KANSL1: variants seen among roughly 807,000 people sequenced by gnomAD.
KANSL1 encodes the protein KAT8 regulatory NSL complex subunit 1, also known as MLL1/MLL complex subunit KANSL1.
KANSL1 carries 22 observed loss-of-function variants against 103.6 expected under a neutral mutation model. The ratio of observed to expected loss-of-function variants is 0.21; its 90% CI spans 0.15 to 0.30. The LOEUF (loss-of-function observed/expected upper bound fraction) is 0.30, where lower values mean the gene tolerates loss of function less well. Among genes scored for constraint, KANSL1 ranks in the 10% least tolerant of loss-of-function variants. The pLI is 1.00. For missense variants in KANSL1, 1,337 were observed against 1,399.8 expected, an observed-to-expected ratio of 0.96 and a Z score of 0.72; for synonymous variants, 600 against 527.6, an observed-to-expected ratio of 1.14 and a Z score of -1.88.
At chr17:46,077,130 C>T (rs532651550) in intron 4 of KANSL1, among the ~76,000 whole-genome samples, 1 of 152,332 alleles carries the variant, frequency 6.6e-6, no homozygotes, top group South Asian at 2.1e-4. Context: ...CAGCTCAGTG[C>T]AACCTCCACC....
chr17:46,148,899 T>C (rs1230861435), intron 2 of KANSL1, among the ~76,000 whole-genome samples: 2 of 138,890 alleles, frequency 1.4e-5, no homozygotes, highest in Non-Finnish European at 3.1e-5. Flanking sequence ...TGCTTACACT[T>C]AAAAAAAAAA....
At chr17:46,205,792 G>A (rs2047947501) in intron 1 of KANSL1, among the ~76,000 whole-genome samples, 1 of 150,620 alleles carries the variant, frequency 6.6e-6, no homozygotes, top group South Asian at 2.1e-4. Flanking sequence ...TAACTAAATG[G>A]AAAGGCCAGG....
At chr17:46,084,697 T>TAAAAAAAAA (rs67108405) in intron 3 of KANSL1, among the ~76,000 whole-genome samples, 250 of 74,484 alleles carry the variant, frequency 3.4e-3, no homozygotes, top group African/African-American at 7.1e-3. Context: ...TTTTAAAAAT[T>TAAAAAAAAA]AAAAAAAAAA....
intron 2 of KANSL1, among the ~76,000 whole-genome samples, chr17:46,124,159 G>A (rs1392546804): frequency 6.6e-6 from 1 of 152,212 alleles, no homozygotes; most frequent in Admixed American, 6.5e-5. Context: ...AGCACTCTGG[G>A]AGGCCAAGGA....
chr17:46,076,960 C>A (rs1179037230), intron 4 of KANSL1, among the ~76,000 whole-genome samples: 1 of 152,186 alleles, frequency 6.6e-6, no homozygotes, highest in African/African-American at 2.4e-5. Context: ...AGTATCATAT[C>A]TTCAAATACA....
chr17:46,059,802 C>T (rs1212436181), intron 6 of KANSL1, among the ~76,000 whole-genome samples: 5 of 152,028 alleles, frequency 3.3e-5, no homozygotes, highest in African/African-American at 1.2e-4. Context: ...GCAACCTCTG[C>T]CTCCCAGCTT....
intron 4 of KANSL1, among the ~76,000 whole-genome samples, chr17:46,074,214 T>C (rs2078677957): frequency 1.3e-5 from 2 of 152,118 alleles, no homozygotes. Flanking sequence ...CGGTACATGC[T>C]AAAAGGACAC....
At chr17:46,105,931 AC>A (rs1567680644) in intron 2 of KANSL1, among the ~76,000 whole-genome samples, 5,735 of 104,090 alleles carry the variant, frequency 0.055, 206 homozygotes, top group Middle Eastern at 0.12. Flanking sequence ...ACACACACAC[AC>A]ACACACACAC....
chr17:46,088,406 C>G (rs2079246512), intron 3 of KANSL1: 1 of 152,252 alleles, frequency 6.6e-6, no homozygotes, highest in Non-Finnish European at 1.5e-5. Flanking sequence ...CTTTAAAAAA[C>G]CCTATTAAGA....
intron 2 of KANSL1, among the ~76,000 whole-genome samples, chr17:46,122,295 T>A (rs1232072235): frequency 6.6e-6 from 1 of 152,166 alleles, no homozygotes; most frequent in Non-Finnish European, 1.5e-5. Flanking sequence ...CTTCGGGATG[T>A]CCCCATCTGT....
intron 7 of KANSL1, chr17:46,041,311 A>C (rs1335511981): frequency 1.3e-5 from 2 of 151,928 alleles, no homozygotes; most frequent in Non-Finnish European, 2.9e-5. Flanking sequence ...TCTGACTGGA[A>C]CCTCTGGTGC....
chr17:46,195,524 T>G (rs1299161749), upstream of KANSL1, among the ~76,000 whole-genome samples: 1 of 152,266 alleles, frequency 6.6e-6, no homozygotes, highest in Non-Finnish European at 1.5e-5. Flanking sequence ...CTGTTGTATA[T>G]TCTTATCTAA....
At chr17:46,160,346 G>A (rs1048849278) in intron 2 of KANSL1, among the ~76,000 whole-genome samples, 2 of 152,172 alleles carry the variant, frequency 1.3e-5, no homozygotes, top group African/African-American at 4.8e-5. Context: ...TGCTCACGCT[G>A]GAGTGCGGTG....
intron 6 of KANSL1, among the ~76,000 whole-genome samples, chr17:46,056,512 A>AAC (rs2077936100): frequency 6.6e-6 from 1 of 152,198 alleles, no homozygotes; most frequent in Non-Finnish European, 1.5e-5. Context: ...GAGTTGTTTT[A>AAC]AAGATAAATA....
At chr17:46,034,987 G>A (rs918576022) in intron 10 of KANSL1, 1 of 152,182 alleles carries the variant, frequency 6.6e-6, no homozygotes, top group Non-Finnish European at 1.5e-5. Flanking sequence ...GCTTCTATAG[G>A]AAATAGTTGA....
At chr17:46,080,750 G>A (rs983581615) in intron 4 of KANSL1, among the ~76,000 whole-genome samples, 3 of 122,648 alleles carry the variant, frequency 2.4e-5, no homozygotes, top group African/African-American at 9.4e-5. Context: ...CTTTCTGAAC[G>A]CTTTTCAGAA....
At position 46,033,475 on chromosome 17, in the gene KANSL1, A is replaced by AC. The variant is rs746717913; in HGVS notation, c.2667-16dup. ...CCTCCCGCCAGCTGCAAAACCAAGA[A>AC]CAGACAATCATGAGATGGCAAGCAG... is the stretch of plus-strand genomic sequence containing the variant. On this transcript the variant is annotated splice_polypyrimidine_tract_variant and intron_variant, in intron 11 of 14. Coordinates refer to ENST00000432791, the MANE Select transcript of KANSL1 (RefSeq NM_015443.4). 1.2e-6 allele frequency: 2 copies of AC among 1,613,088 alleles called. No individual in the cohort carries two copies. The highest frequency in any genetic ancestry group is 4.5e-5 in the East Asian group (2 of 44,878).
intron 8 of KANSL1, 135 bp from the exon 9 acceptor site, chr17:46,039,350 G>T: frequency 1.3e-6 from 1 of 794,948 alleles, no homozygotes; most frequent in Non-Finnish European, 1.9e-6. Context: ...CAGGACTGAA[G>T]TTTCTAGTAA....
At chr17:46,137,649 G>A (rs1418738394) in intron 2 of KANSL1, among the ~76,000 whole-genome samples, 1 of 152,176 alleles carries the variant, frequency 6.6e-6, no homozygotes, top group Non-Finnish European at 1.5e-5. Flanking sequence ...GCCAAGGCAG[G>A]CTGATCACAA....
Sources: allele counts gnomAD v4.1 joint callset (sites outside exome capture counted in the v4.1 genomes callset), GRCh38; gene constraint gnomAD v4.1.1; transcripts MANE v1.5; gene names NCBI Gene and HGNC (gene_info 2026-07-23, HGNC 2026-07-21).